SEMA3C: variants seen among roughly 807,000 people sequenced by gnomAD.
SEMA3C encodes the protein semaphorin-3C.
Under a neutral mutation model 89.4 loss-of-function variants are expected in SEMA3C, and 47 were observed. The ratio of observed to expected loss-of-function variants is 0.53; its 90% CI spans 0.42 to 0.67. The LOEUF (loss-of-function observed/expected upper bound fraction) is 0.67. Ranked by LOEUF, SEMA3C falls within the 30% of genes least tolerant of loss-of-function variation. The pLI is 0.00. For missense variants in SEMA3C, 839 were observed against 929.1 expected, an observed-to-expected ratio of 0.90 and a Z score of 1.26; for synonymous variants, 310 against 320.2, an observed-to-expected ratio of 0.97 and a Z score of 0.34.
intron 12 of SEMA3C, among the ~76,000 whole-genome samples, chr7:80,784,448 C>T (rs931191247): frequency 2.7e-5 from 4 of 149,196 alleles, no homozygotes; most frequent in Admixed American, 2.7e-4. Context: ...TAAATTTTAA[C>T]AAAGTAGCAG....
At chr7:80,829,262 T>C (rs1789954812) in intron 2 of SEMA3C, among the ~76,000 whole-genome samples, 2 of 152,166 alleles carry the variant, frequency 1.3e-5, no homozygotes, top group Non-Finnish European at 1.5e-5. Flanking sequence ...ATGGTAATAG[T>C]ATGTGATTAC....
intron 2 of SEMA3C, among the ~76,000 whole-genome samples, chr7:80,901,502 T>C (rs1791879334): frequency 6.6e-6 from 1 of 152,242 alleles, no homozygotes. Context: ...TACTTCACTG[T>C]ATCTATATAC....
chr7:80,860,576 T>C (rs753303219), intron 2 of SEMA3C, among the ~76,000 whole-genome samples: 21 of 152,166 alleles, frequency 1.4e-4, no homozygotes, highest in Non-Finnish European at 2.6e-4. Context: ...CTGTTTCCAT[T>C]TGATAGAGTT....
intron 15 of SEMA3C, among the ~76,000 whole-genome samples, chr7:80,754,947 G>GTTTTTTTTTTTTTTTTTTTT (rs1031680674): frequency 7.6e-5 from 1 of 13,136 alleles, no homozygotes; most frequent in African/African-American, 1.2e-4. Context: ...CTGGCGAATT[G>GTTTTTTTTTTTTTTTTTTTT]TTTTTTTTTG....
chr7:80,761,457 G>A (rs1788180648), intron 14 of SEMA3C, among the ~76,000 whole-genome samples, 159 bp downstream of exon 14: 1 of 152,126 alleles, frequency 6.6e-6, no homozygotes, highest in African/African-American at 2.4e-5. Context: ...TACCTTGTAA[G>A]TTCTACATCA....
chr7:80,754,355 A>T (rs981558880), intron 15 of SEMA3C, among the ~76,000 whole-genome samples: 2 of 152,168 alleles, frequency 1.3e-5, no homozygotes, highest in Non-Finnish European at 2.9e-5. Flanking sequence ...CTCTGTTTGT[A>T]CACAAAGAAA....
At chr7:80,878,571 A>C (rs559764933) in intron 2 of SEMA3C, among the ~76,000 whole-genome samples, 1 of 152,266 alleles carries the variant, frequency 6.6e-6, no homozygotes, top group Non-Finnish European at 1.5e-5. Context: ...TGGATACAAA[A>C]CAAGGAAGAG....
chr7:80,827,392 GTTTTTT>G (rs36066966), intron 4 of SEMA3C, 27 bp downstream of exon 4: 1,451 of 1,232,972 alleles, frequency 1.2e-3, no homozygotes, highest in South Asian at 6.0e-3. Flanking sequence ...TTAAGTTAGT[GTTTTTT>G]TTTTTTTTTT....
intron 15 of SEMA3C, among the ~76,000 whole-genome samples, chr7:80,751,566 C>T (rs1321529189): frequency 6.6e-6 from 1 of 152,108 alleles, no homozygotes. Context: ...TTCCCATCTA[C>T]CATTCATGAT....
intron 11 of SEMA3C, among the ~76,000 whole-genome samples, chr7:80,797,803 G>T (rs941180103): frequency 7.9e-5 from 12 of 152,148 alleles, no homozygotes; most frequent in East Asian, 1.9e-4. Context: ...TTCGAGACCA[G>T]CCTGACCAAC....
chr7:80,788,117 CA>C (rs1266868114), intron 12 of SEMA3C, among the ~76,000 whole-genome samples: 1 of 152,126 alleles, frequency 6.6e-6, no homozygotes, highest in Non-Finnish European at 1.5e-5. Flanking sequence ...AAAAAGTACC[CA>C]CATCTTAAAC....
intron 2 of SEMA3C, among the ~76,000 whole-genome samples, chr7:80,876,758 C>A (rs1443235715): frequency 6.6e-6 from 1 of 152,122 alleles, no homozygotes; most frequent in Non-Finnish European, 1.5e-5. Context: ...TAAATTAGGC[C>A]ACAATGAAAG....
intron 2 of SEMA3C, among the ~76,000 whole-genome samples, chr7:80,871,816 A>C (rs889961940): frequency 6.6e-6 from 1 of 152,212 alleles, no homozygotes; most frequent in Non-Finnish European, 1.5e-5. Flanking sequence ...GAGTACCTCA[A>C]AGAACTATTT....
rs564003675 is a variant in SEMA3C at position 80,765,736 on chromosome 7, C to T, written c.1355-493G>A. On this transcript the variant is annotated intron_variant, in intron 12 of 17. Coordinates refer to ENST00000265361, the MANE Select transcript of SEMA3C (RefSeq NM_006379.5). ...GGATTACAGGTGCCCGCCACCACGC[C>T]TGGCTAATTTTTTGTATTTTTAGTA... 1.6e-3 allele frequency among the ~76,000 whole-genome samples: 251 copies of T among 152,122 alleles called. 3 individuals are homozygous for T. Among genetic ancestry groups the T allele is most frequent in the Non-Finnish European group, 5.9e-4 (40 of 68,000 alleles).
chr7:80,921,303 G>T (rs1792404619), upstream of SEMA3C, among the ~76,000 whole-genome samples: 1 of 152,156 alleles, frequency 6.6e-6, no homozygotes, highest in Admixed American at 6.5e-5. Context: ...GACGTTTACA[G>T]TTGGCCACAC....
intron 2 of SEMA3C, among the ~76,000 whole-genome samples, chr7:80,842,399 T>C (rs1790290185): frequency 6.6e-6 from 1 of 152,166 alleles, no homozygotes. Flanking sequence ...ATAATATTTA[T>C]CATTCTTGCA....
intron 2 of SEMA3C, among the ~76,000 whole-genome samples, chr7:80,834,086 C>A (rs976814833): frequency 1.3e-5 from 2 of 152,012 alleles, no homozygotes; most frequent in Non-Finnish European, 2.9e-5. Flanking sequence ...AGGACATGCT[C>A]AATTAACGAA....
intron 2 of SEMA3C, among the ~76,000 whole-genome samples, chr7:80,844,162 A>AT (rs532828941): frequency 1.8e-3 from 280 of 152,264 alleles, no homozygotes; most frequent in African/African-American, 6.4e-3. Flanking sequence ...ATCACTTTTC[A>AT]TGAGTATAGC....
At chr7:80,886,436 C>T (rs1157778770) in intron 2 of SEMA3C, among the ~76,000 whole-genome samples, 1 of 151,790 alleles carries the variant, frequency 6.6e-6, no homozygotes, top group Non-Finnish European at 1.5e-5. Flanking sequence ...TCACTGCAAC[C>T]TCCGCCTCCT....
Sources: allele counts gnomAD v4.1 joint callset (sites outside exome capture counted in the v4.1 genomes callset), GRCh38; gene constraint gnomAD v4.1.1; transcripts MANE v1.5; gene names NCBI Gene and HGNC (gene_info 2026-07-23, HGNC 2026-07-21).